KLHL1: variants seen among roughly 807,000 people sequenced by gnomAD.
KLHL1 encodes kelch-like protein 1.
A neutral mutation model predicts 77.7 loss-of-function variants in KLHL1; 47 were observed. That is an observed-to-expected ratio of 0.60 (90% CI 0.48 to 0.77). The LOEUF is 0.77. Among genes scored for constraint, KLHL1 ranks in the 30% least tolerant of loss-of-function variants. The pLI is 0.00. For missense variants in KLHL1, 925 were observed against 910.8 expected (o/e 1.02, Z -0.20); for synonymous variants, 360 against 325.2 (o/e 1.11, Z -1.15).
intron 6 of KLHL1, among the ~76,000 whole-genome samples, chr13:69,805,430 A>G (rs1403502245): frequency 1.3e-5 from 2 of 151,972 alleles, no homozygotes; most frequent in Non-Finnish European, 2.9e-5. Context: ...TATAGAACAC[A>G]TTTCTATTGT....
At chr13:69,891,249 T>C (rs770386150) in intron 4 of KLHL1, among the ~76,000 whole-genome samples, 10 of 152,202 alleles carry the variant, frequency 6.6e-5, no homozygotes, top group Non-Finnish European at 8.8e-5. Context: ...ATTAATTCTA[T>C]AGCACCCACT....
At chr13:69,991,103 T>C (rs1885015978) in intron 1 of KLHL1, among the ~76,000 whole-genome samples, 1 of 151,856 alleles carries the variant, frequency 6.6e-6, no homozygotes, top group African/African-American at 2.4e-5. Flanking sequence ...TATTTGAAAG[T>C]AATGAGAACA....
chr13:69,864,283 T>C (rs1880285082), intron 5 of KLHL1, among the ~76,000 whole-genome samples: 1 of 151,876 alleles, frequency 6.6e-6, no homozygotes, highest in South Asian at 2.1e-4. Flanking sequence ...ATCTAAAAAA[T>C]ACATTAAATT....
At chr13:69,996,941 G>A (rs1347197449) in intron 1 of KLHL1, among the ~76,000 whole-genome samples, 1 of 45,288 alleles carries the variant, frequency 2.2e-5, no homozygotes, top group Non-Finnish European at 4.0e-5. Flanking sequence ...TTTTTTTTTG[G>A]CTGGCACAGT....
chr13:69,707,379 G>A (rs940794770), intron 10 of KLHL1, among the ~76,000 whole-genome samples: 7 of 151,584 alleles, frequency 4.6e-5, no homozygotes, highest in African/African-American at 1.5e-4. Context: ...TTCTTGTTGT[G>A]GAAAATGAAA....
intron 5 of KLHL1, among the ~76,000 whole-genome samples, chr13:69,856,291 T>G (rs1359238358): frequency 1.3e-5 from 2 of 152,074 alleles, no homozygotes; most frequent in East Asian, 3.9e-4. Flanking sequence ...CAAGTTTCCT[T>G]TTTTGTAATG....
intron 7 of KLHL1, among the ~76,000 whole-genome samples, chr13:69,782,669 A>C (rs931597720): frequency 6.6e-6 from 1 of 152,328 alleles, no homozygotes. Flanking sequence ...CAGGAAGCTC[A>C]AACTGGGTGG....
chr13:70,088,508 C>T (rs1329906030), intron 1 of KLHL1, among the ~76,000 whole-genome samples: 2 of 152,086 alleles, frequency 1.3e-5, no homozygotes, highest in African/African-American at 4.8e-5. Context: ...AACAAGACTT[C>T]AACTCTATAA....
chr13:70,092,276 T>C (rs1419658652), intron 1 of KLHL1, among the ~76,000 whole-genome samples: 2 of 152,172 alleles, frequency 1.3e-5, no homozygotes, highest in Non-Finnish European at 2.9e-5. Context: ...TTCTAAACTA[T>C]TGTACCACCC....
intron 1 of KLHL1, among the ~76,000 whole-genome samples, chr13:70,041,190 CTG>C (rs1273731046): frequency 1.3e-5 from 2 of 151,936 alleles, no homozygotes; most frequent in Non-Finnish European, 2.9e-5. Context: ...TTTATAATAA[CTG>C]TTTTAGAATT....
chr13:69,855,938 TTTATATA>T (rs973261168), intron 5 of KLHL1, among the ~76,000 whole-genome samples: 2 of 147,552 alleles, frequency 1.4e-5, no homozygotes, highest in Non-Finnish European at 3.0e-5. Flanking sequence ...ATATGCATGT[TTTATATA>T]TTATATATGT....
intron 6 of KLHL1, among the ~76,000 whole-genome samples, chr13:69,819,998 T>C (rs1878270331): frequency 6.6e-6 from 1 of 152,156 alleles, no homozygotes; most frequent in Non-Finnish European, 1.5e-5. Flanking sequence ...TGGCATTGTT[T>C]TCCCGTGTCA....
chr13:69,979,675 T>C (rs564875455), intron 1 of KLHL1, among the ~76,000 whole-genome samples: 1 of 152,286 alleles, frequency 6.6e-6, no homozygotes, highest in African/African-American at 2.4e-5. Flanking sequence ...TATACAATGA[T>C]CTGAAACTCT....
At chr13:69,904,752 G>C (rs534489993) in intron 4 of KLHL1, among the ~76,000 whole-genome samples, 3 of 152,072 alleles carry the variant, frequency 2.0e-5, no homozygotes, top group East Asian at 3.9e-4. Flanking sequence ...CAGAGTTTAC[G>C]CTTAATCATT....
At chr13:69,774,373 T>C (rs1377267697) in intron 7 of KLHL1, among the ~76,000 whole-genome samples, 2 of 149,126 alleles carry the variant, frequency 1.3e-5, no homozygotes, top group Non-Finnish European at 2.9e-5. Context: ...CTTTAATATA[T>C]TATATTTTTG....
chr13:69,833,747 G>GTATATA lies in KLHL1; in HGVS notation c.1414+5223_1414+5228dup, dbSNP rs71196266. Among the ~76,000 whole-genome samples the GTATATA allele has an allele frequency of 1.3e-3, 180 of 142,340 alleles. 1 individual carries two copies. Among genetic ancestry groups the GTATATA allele is most frequent in the African/African-American group, 4.6e-3 (169 of 36,844 alleles). 93.4% of individuals were successfully genotyped at this position (142,340 alleles called of 152,430 possible). A position where few individuals can be genotyped will look rare whatever the true frequency, so the allele number is the denominator to read the frequency against. On this transcript the variant is annotated intron_variant, in intron 6 of 10. Transcript: ENST00000377844. ...TCAATGAGTGGATAAAGAAATAATG[G>GTATATA]TATATATATATATATATATACATAC...
chr13:69,732,914 C>T (rs1248683090), intron 8 of KLHL1, among the ~76,000 whole-genome samples: 1 of 152,090 alleles, frequency 6.6e-6, no homozygotes, highest in African/African-American at 2.4e-5. Context: ...AATTTCAGTG[C>T]ACAGGGCCCT....
chr13:69,738,223 T>G (rs1873844285), intron 8 of KLHL1, among the ~76,000 whole-genome samples: 1 of 151,788 alleles, frequency 6.6e-6, no homozygotes, highest in Non-Finnish European at 1.5e-5. Context: ...AAAGACCCCA[T>G]AAAAACCCCA....
At chr13:69,748,398 G>A (rs1373400344) in intron 7 of KLHL1, among the ~76,000 whole-genome samples, 1 of 152,008 alleles carries the variant, frequency 6.6e-6, no homozygotes, top group East Asian at 1.9e-4. Context: ...GGCAGCAAGA[G>A]AAAATTAGGA....
Sources: gnomAD v4.1 joint callset for allele counts (sites outside exome capture counted in the v4.1 genomes callset) on GRCh38, gnomAD v4.1.1 for gene constraint, MANE v1.5 for transcripts, NCBI Gene and HGNC (gene_info 2026-07-23, HGNC 2026-07-21) for gene names.